Variants in ARRB1 observed in about 807,000 individuals in gnomAD.
ARRB1 encodes the protein arrestin beta 1.
In ARRB1, 21 loss-of-function variants were observed where a neutral mutation model predicts 56.8. The observed-to-expected ratio is 0.37, with a 90% CI of 0.26 to 0.53. The LOEUF (loss-of-function observed/expected upper bound fraction) is 0.53, where lower values mean the gene tolerates loss of function less well. Ranked by LOEUF, ARRB1 falls within the 20% of genes least tolerant of loss-of-function variation. The pLI is 0.88. For missense variants in ARRB1, 424 were observed against 553.7 expected, an observed-to-expected ratio of 0.77 and a Z score of 2.35; for synonymous variants, 210 against 218.6, an observed-to-expected ratio of 0.96 and a Z score of 0.35.
chr11:75,286,235 C>T (rs186787495), intron 3 of ARRB1, among the ~76,000 whole-genome samples: 6 of 143,140 alleles, frequency 4.2e-5, no homozygotes, highest in African/African-American at 1.6e-4. Flanking sequence ...CCATACTAGG[C>T]CTCACTTTGA....
chr11:75,326,603 A>ACCT (rs1947437988), intron 1 of ARRB1, among the ~76,000 whole-genome samples: 1 of 151,982 alleles, frequency 6.6e-6, no homozygotes, highest in Non-Finnish European at 1.5e-5. Flanking sequence ...CCTCCCACTC[A>ACCT]GCACCCTTAC....
intron 1 of ARRB1, among the ~76,000 whole-genome samples, chr11:75,342,483 G>A (rs1947705793): frequency 1.3e-5 from 2 of 152,208 alleles, no homozygotes; most frequent in Non-Finnish European, 2.9e-5. Flanking sequence ...GGAGCTCTGT[G>A]CTCTGCCAGC....
Position 75,284,246 on chromosome 11 carries a change from T to C in ARRB1, c.146A>G (p.Lys49Arg). 1.2e-6 allele frequency: 2 copies of C among 1,609,598 alleles called. No individual in the cohort carries two copies. Among genetic ancestry groups the C allele is most frequent in the Non-Finnish European group, 1.7e-6 (2 of 1,176,888 alleles). The change falls in exon 4 of 16, where the codon AAA becomes AGA. Residue 49 changes from lysine to arginine, a missense_variant. Coordinates refer to ENST00000420843, the MANE Select transcript of ARRB1 (RefSeq NM_004041.5). ...GGGCCACAGCCTACCTCTCCGCTCT[T>C]TGAGATACTCAGGATCCACCAGGAC... ...GVVLVDPEYL[K>R]ERRVYVTLTC...
intron 10 of ARRB1, among the ~76,000 whole-genome samples, chr11:75,275,259 A>T (rs1946176517): frequency 6.6e-6 from 1 of 151,316 alleles, no homozygotes; most frequent in Admixed American, 6.6e-5. Context: ...CAGTTCTCCT[A>T]CCTCAGCCTC....
chr11:75,268,370 C>T (rs899381535), intron 14 of ARRB1, among the ~76,000 whole-genome samples: 1 of 151,894 alleles, frequency 6.6e-6, no homozygotes, highest in African/African-American at 2.4e-5. Flanking sequence ...CCAGGTGTGG[C>T]GGCAGCCGCC....
intron 1 of ARRB1, among the ~76,000 whole-genome samples, chr11:75,319,872 G>A (rs1947319696): frequency 6.6e-6 from 1 of 152,158 alleles, no homozygotes; most frequent in Admixed American, 6.5e-5. Flanking sequence ...GGGGTGGAGG[G>A]TAGCCCCCAC....
intron 13 of ARRB1, chr11:75,269,204 G>A (rs1343492753): frequency 1.4e-6 from 1 of 719,854 alleles, no homozygotes; most frequent in Non-Finnish European, 2.6e-6. Flanking sequence ...GGCTCTCTGG[G>A]TTCCCACGGG....
intron 14 of ARRB1, among the ~76,000 whole-genome samples, chr11:75,268,313 TG>T (rs1945984525): frequency 6.6e-6 from 1 of 151,946 alleles, no homozygotes; most frequent in South Asian, 2.1e-4. Context: ...GAGACCAGCC[TG>T]GCCAACATGG....
intron 1 of ARRB1, among the ~76,000 whole-genome samples, chr11:75,335,428 T>C (rs538355345): frequency 6.6e-6 from 1 of 151,850 alleles, no homozygotes; most frequent in Non-Finnish European, 1.5e-5. Context: ...GTACAAAAAA[T>C]TTAAAAATTA....
At chr11:75,299,740 T>C (rs1946852316) in intron 1 of ARRB1, among the ~76,000 whole-genome samples, 1 of 152,204 alleles carries the variant, frequency 6.6e-6, no homozygotes. Flanking sequence ...TCTGCTTCAC[T>C]TTTATAGCAA....
At chr11:75,297,285 G>C (rs1382201649) in intron 1 of ARRB1, among the ~76,000 whole-genome samples, 2 of 146,174 alleles carry the variant, frequency 1.4e-5, no homozygotes, top group Admixed American at 6.8e-5. Context: ...AAAAAAAATA[G>C]AACCAAGTTA....
At chr11:75,279,724 G>A (rs1946285279) in intron 7 of ARRB1, among the ~76,000 whole-genome samples, 1 of 152,134 alleles carries the variant, frequency 6.6e-6, no homozygotes. Flanking sequence ...CTGGAGTGCA[G>A]TGGCGCAATC....
Position 75,267,719 on chromosome 11 carries a change from G to A in ARRB1, c.1094-16C>T. On this transcript the variant is annotated splice_polypyrimidine_tract_variant and intron_variant, in intron 14 of 15. Coordinates refer to ENST00000420843, the MANE Select transcript of ARRB1 (RefSeq NM_004041.5). ...TTCTCTGGAACTAAACACAGGGTGG[G>A]TGGGCAGGGTGTCCAGGGATTAGTG... 1.3e-6 allele frequency: 2 copies of A among 1,551,706 alleles called. No individual in the cohort carries two copies. Among genetic ancestry groups the A allele is most frequent in the Non-Finnish European group, 1.8e-6 (2 of 1,128,534 alleles).
chr11:75,347,075 T>C (rs1042992988), intron 1 of ARRB1, among the ~76,000 whole-genome samples: 6 of 152,234 alleles, frequency 3.9e-5, no homozygotes, highest in Non-Finnish European at 7.3e-5. Flanking sequence ...CAACCCAAAG[T>C]GTCAGAAGCC....
chr11:75,312,759 C>G (rs991306637), intron 1 of ARRB1, among the ~76,000 whole-genome samples: 1 of 151,740 alleles, frequency 6.6e-6, no homozygotes, highest in Non-Finnish European at 1.5e-5. Context: ...CATTGAAAGA[C>G]AGACGAAAAT....
chr11:75,348,270 C>T (rs1947802007), intron 1 of ARRB1, among the ~76,000 whole-genome samples: 1 of 152,210 alleles, frequency 6.6e-6, no homozygotes, highest in African/African-American at 2.4e-5. Context: ...CAATCCCGCC[C>T]CCTTGGCCTA....
In ARRB1 at chr11:75,307,472, A is replaced by G. The variant is rs1246509352; in HGVS notation, c.21-17433T>C. On this transcript the variant is annotated intron_variant, in intron 1 of 15. Transcript: ENST00000420843. Reference sequence around the variant, plus strand: ...TCAGGCACACAGCTCCTACAGAACAAGAGGACTGTGTCCCCTCTGTTACAC... The same window carrying G: ...TCAGGCACACAGCTCCTACAGAACAGGAGGACTGTGTCCCCTCTGTTACAC... Among the ~76,000 whole-genome samples the G allele has an allele frequency of 3.3e-5, 5 of 152,162 alleles. No homozygotes were observed. In the East Asian group the frequency reaches 9.7e-4, roughly 29 times the overall value.
chr11:75,277,497 C>A (rs200205695), intron 8 of ARRB1, 49 bp from the exon 9 acceptor site: 4 of 1,543,086 alleles, frequency 2.6e-6, no homozygotes, highest in Non-Finnish European at 3.6e-6. Flanking sequence ...CAGCAAGGTT[C>A]TAGGGAAAGG....
chr11:75,295,223 A>G (rs1277630580), intron 1 of ARRB1, among the ~76,000 whole-genome samples: 3 of 25,850 alleles, frequency 1.2e-4, no homozygotes, highest in African/African-American at 2.9e-4. Flanking sequence ...CCCTGTCTCA[A>G]AAAAAAAAAA....
Sources: gnomAD v4.1 joint callset for allele counts (sites outside exome capture counted in the v4.1 genomes callset) on GRCh38, gnomAD v4.1.1 for gene constraint, MANE v1.5 for transcripts, NCBI Gene and HGNC (gene_info 2026-07-23, HGNC 2026-07-21) for gene names.